GSK3B: variants seen among roughly 807,000 people sequenced by gnomAD.
GSK3B encodes the protein glycogen synthase kinase-3 beta.
A neutral mutation model predicts 56.4 loss-of-function variants in GSK3B; 15 were observed. That is an observed-to-expected ratio of 0.27 (90% confidence interval 0.18 to 0.41). GSK3B has a LOEUF of 0.41. Ranked by LOEUF, GSK3B falls within the 10% of genes least tolerant of loss-of-function variation. The pLI is 1.00. For synonymous variants in GSK3B, 181 were observed against 188.9 expected, an observed-to-expected ratio of 0.96 and a Z score of 0.34; for missense variants, 300 against 513.4, an observed-to-expected ratio of 0.58 and a Z score of 4.02.
intron 1 of GSK3B, among the ~76,000 whole-genome samples, chr3:120,025,380 A>G (rs2057914111): frequency 1.3e-5 from 2 of 152,208 alleles, no homozygotes; most frequent in African/African-American, 4.8e-5. Context: ...CAGAGATCTA[A>G]TAAACTAGAA....
intron 2 of GSK3B, among the ~76,000 whole-genome samples, chr3:119,973,216 TTCA>T (rs1312023015): frequency 6.6e-6 from 1 of 152,216 alleles, no homozygotes; most frequent in Non-Finnish European, 1.5e-5. Context: ...TTTCCACAGT[TTCA>T]GTTACCTACA....
At chr3:119,913,496 G>A (rs552408335) in intron 5 of GSK3B, among the ~76,000 whole-genome samples, 1 of 151,980 alleles carries the variant, frequency 6.6e-6, no homozygotes, top group East Asian at 1.9e-4. Flanking sequence ...TAAATATGAA[G>A]TATAATAAAT....
intron 8 of GSK3B, among the ~76,000 whole-genome samples, chr3:119,866,277 T>A (rs2056181625): frequency 6.6e-6 from 1 of 152,148 alleles, no homozygotes; most frequent in South Asian, 2.1e-4. Flanking sequence ...TCACTGAAAT[T>A]GCTTAACACT....
intron 8 of GSK3B, among the ~76,000 whole-genome samples, chr3:119,871,220 T>C (rs776266297): frequency 2.0e-4 from 31 of 152,208 alleles, no homozygotes; most frequent in Non-Finnish European, 3.7e-4. Flanking sequence ...TGAAATGACC[T>C]GAGAATTCAA....
chr3:119,912,600 T>C, intron 6 of GSK3B, 104 bp downstream of exon 6: 1 of 496,562 alleles, frequency 2.0e-6, no homozygotes, highest in East Asian at 3.0e-5. Context: ...TTATGGGATA[T>C]ATCCATCTTT....
intron 2 of GSK3B, among the ~76,000 whole-genome samples, chr3:119,950,278 C>T (rs898192667): frequency 1.3e-5 from 2 of 152,146 alleles, no homozygotes; most frequent in African/African-American, 4.8e-5. Context: ...TATTGCGTTA[C>T]TTTAGAAATA....
chr3:119,906,447 A>G (rs116786500), intron 6 of GSK3B, among the ~76,000 whole-genome samples: 2,439 of 152,236 alleles, frequency 0.016, 61 homozygotes, highest in African/African-American at 0.055. Flanking sequence ...TCCACTTTTA[A>G]GTCAAAATGA....
intron 1 of GSK3B, among the ~76,000 whole-genome samples, chr3:120,037,652 C>CT (rs72383335): frequency 0.037 from 5,474 of 146,388 alleles, 205 homozygotes; most frequent in African/African-American, 0.1. Flanking sequence ...CACTACAGCT[C>CT]TTTTTTTTTT....
At chr3:119,921,809 T>C in intron 4 of GSK3B, among the ~76,000 whole-genome samples, 1 of 152,194 alleles carries the variant, frequency 6.6e-6, no homozygotes, top group East Asian at 1.9e-4. Context: ...TTTATTTTCA[T>C]AGGTATGACA....
At chr3:120,042,680 T>C (rs1022049012) in intron 1 of GSK3B, among the ~76,000 whole-genome samples, 8 of 152,170 alleles carry the variant, frequency 5.3e-5, no homozygotes, top group African/African-American at 1.7e-4. Flanking sequence ...ATAAAAAATA[T>C]TGACTCAGAC....
At chr3:120,087,308 A>G (rs2058471149) in intron 1 of GSK3B, among the ~76,000 whole-genome samples, 1 of 152,150 alleles carries the variant, frequency 6.6e-6, no homozygotes, top group Admixed American at 6.5e-5. Context: ...CGAGGTGGGA[A>G]GATCACAAGG....
At chr3:120,018,334 G>A (rs2057844282) in intron 1 of GSK3B, among the ~76,000 whole-genome samples, 1 of 152,162 alleles carries the variant, frequency 6.6e-6, no homozygotes, top group Non-Finnish European at 1.5e-5. Context: ...CACATATACA[G>A]AGGGCCAACT....
chr3:119,943,275 T>C (rs1471133024), intron 3 of GSK3B, among the ~76,000 whole-genome samples: 3 of 152,294 alleles, frequency 2.0e-5, no homozygotes, highest in Middle Eastern at 3.4e-3. Flanking sequence ...CAAAAGTACT[T>C]ACAGACAGAA....
At chr3:119,858,437 G>T (rs114230755) in intron 9 of GSK3B, among the ~76,000 whole-genome samples, 5 of 152,150 alleles carry the variant, frequency 3.3e-5, no homozygotes, top group Non-Finnish European at 7.3e-5. Flanking sequence ...TATGGAAATG[G>T]CTTCCTTCCT....
intron 1 of GSK3B, among the ~76,000 whole-genome samples, chr3:120,080,249 C>A (rs2058407075): frequency 1.3e-5 from 2 of 151,810 alleles, no homozygotes; most frequent in Non-Finnish European, 2.9e-5. Flanking sequence ...CAAGATCACA[C>A]CACTGTACTA....
At chr3:120,001,074 G>GC (rs1406568264) in intron 2 of GSK3B, among the ~76,000 whole-genome samples, 1 of 151,614 alleles carries the variant, frequency 6.6e-6, no homozygotes, top group Non-Finnish European at 1.5e-5. Context: ...ACAAGCGCCC[G>GC]CCACCATACC....
chr3:119,985,909 G>A (rs2057511402), intron 2 of GSK3B, among the ~76,000 whole-genome samples: 3 of 152,108 alleles, frequency 2.0e-5, no homozygotes, highest in Admixed American at 6.5e-5. Context: ...AAAGCTAGAG[G>A]CATCATGCTA....
intron 7 of GSK3B, among the ~76,000 whole-genome samples, chr3:119,884,863 A>G (rs968946921): frequency 7.9e-5 from 12 of 152,032 alleles, no homozygotes; most frequent in Non-Finnish European, 1.5e-4. Flanking sequence ...AATTCAACTT[A>G]ATAAAATGAA....
intron 8 of GSK3B, among the ~76,000 whole-genome samples, chr3:119,871,299 T>C (rs1265064980): frequency 6.6e-6 from 1 of 152,180 alleles, no homozygotes; most frequent in Admixed American, 6.5e-5. Context: ...ATTGACAGTG[T>C]TTTAGGAAAT....
Sources: gnomAD v4.1 joint callset for allele counts (sites outside exome capture counted in the v4.1 genomes callset) on GRCh38, gnomAD v4.1.1 for gene constraint, MANE v1.5 for transcripts, NCBI Gene and HGNC (gene_info 2026-07-23, HGNC 2026-07-21) for gene names.